Variants in EFNA5 observed in about 807,000 individuals in gnomAD.
EFNA5 encodes ephrin-A5.
A neutral mutation model predicts 22.9 loss-of-function variants in EFNA5; 5 were observed. The ratio of observed to expected loss-of-function variants is 0.22; its 90% confidence interval spans 0.11 to 0.46. EFNA5 has a LOEUF of 0.46. EFNA5 is among the 20% of genes least tolerant of loss of function. The probability of loss-of-function intolerance (pLI) is 0.99; values close to 1 mark genes in which losing one functional copy is unlikely to be tolerated. For synonymous variants in EFNA5, 113 were observed against 112.2 expected (o/e 1.01, Z -0.04); for missense variants, 237 against 293.3 (o/e 0.81, Z 1.40).
In EFNA5 at chr5:107,601,755, A is replaced by G. The variant is rs143168301; in HGVS notation, c.125+68734T>C. ...CTCATGTTTTTTCCTTTTCCTTTTG[A>G]TCGTTACCTTTACAGAAACACACAA... On this transcript the variant is annotated intron_variant, in intron 1 of 4. Coordinates refer to ENST00000333274, the MANE Select transcript of EFNA5 (RefSeq NM_001962.3). Among the ~76,000 whole-genome samples the G allele has an allele frequency of 3.0e-3, 464 of 152,280 alleles. 2 individuals carry two copies. The highest frequency in any genetic ancestry group is 0.01 in the African/African-American group (433 of 41,564).
intron 1 of EFNA5, among the ~76,000 whole-genome samples, chr5:107,575,843 A>G (rs1748917528): frequency 6.6e-6 from 1 of 152,230 alleles, no homozygotes; most frequent in South Asian, 2.1e-4. Context: ...AGCAGTTTCC[A>G]AAATCATTTA....
chr5:107,470,911 CTTT>C (rs917572407), intron 1 of EFNA5, among the ~76,000 whole-genome samples: 3 of 152,058 alleles, frequency 2.0e-5, no homozygotes, highest in Non-Finnish European at 2.9e-5. Context: ...AGTAAGATGT[CTTT>C]TTTATCTCTT....
At chr5:107,591,833 A>C (rs866956631) in intron 1 of EFNA5, among the ~76,000 whole-genome samples, 4 of 103,122 alleles carry the variant, frequency 3.9e-5, no homozygotes, top group African/African-American at 1.6e-4. Flanking sequence ...AAAAATATAT[A>C]TATATATATA....
At chr5:107,507,487 T>C (rs938721357) in intron 1 of EFNA5, among the ~76,000 whole-genome samples, 1 of 152,204 alleles carries the variant, frequency 6.6e-6, no homozygotes, top group Non-Finnish European at 1.5e-5. Context: ...TAGCAGCCTA[T>C]ATTAATTAAG....
intron 1 of EFNA5, among the ~76,000 whole-genome samples, chr5:107,635,815 T>TA (rs1750361044): frequency 6.6e-6 from 1 of 152,300 alleles, no homozygotes; most frequent in East Asian, 1.9e-4. Flanking sequence ...TCCAGGTTAG[T>TA]AAAAGCATTC....
chr5:107,435,713 AATT>A (rs1220856772), intron 1 of EFNA5, among the ~76,000 whole-genome samples: 1 of 152,238 alleles, frequency 6.6e-6, no homozygotes, highest in Non-Finnish European at 1.5e-5. Context: ...TTCAAGGATA[AATT>A]TCAAAGATTT....
At chr5:107,433,876 G>A (rs1057103712) in intron 1 of EFNA5, among the ~76,000 whole-genome samples, 3 of 150,048 alleles carry the variant, frequency 2.0e-5, no homozygotes, top group African/African-American at 7.4e-5. Context: ...ACTCCAGCCT[G>A]GGCAACAGAG....
intron 1 of EFNA5, among the ~76,000 whole-genome samples, chr5:107,644,653 G>A (rs1750593642): frequency 6.6e-6 from 1 of 152,104 alleles, no homozygotes; most frequent in South Asian, 2.1e-4. Context: ...TTTAAGAAGT[G>A]AATTTCCTCA....
intron 1 of EFNA5, among the ~76,000 whole-genome samples, chr5:107,622,747 C>T (rs1041588672): frequency 1.3e-5 from 2 of 152,072 alleles, no homozygotes; most frequent in African/African-American, 4.8e-5. Context: ...CTCGGCCGGG[C>T]GCGGTGGCTC....
chr5:107,503,452 A>G (rs1377969552), intron 1 of EFNA5, among the ~76,000 whole-genome samples: 1 of 152,218 alleles, frequency 6.6e-6, no homozygotes, highest in Non-Finnish European at 1.5e-5. Context: ...AGGTGTTCCG[A>G]TGTCTATCTC....
At chr5:107,649,885 G>T (rs1452215426) in intron 1 of EFNA5, among the ~76,000 whole-genome samples, 1 of 152,120 alleles carries the variant, frequency 6.6e-6, no homozygotes, top group African/African-American at 2.4e-5. Context: ...TGAGAAAGAT[G>T]AAACAGGGAA....
chr5:107,473,659 AT>A (rs564376165), intron 1 of EFNA5, among the ~76,000 whole-genome samples: 1,841 of 140,742 alleles, frequency 0.013, 22 homozygotes, highest in African/African-American at 0.036. Context: ...TTTCACTTGA[AT>A]TTTTTTTTTT....
At chr5:107,547,066 A>G (rs1748179964) in intron 1 of EFNA5, among the ~76,000 whole-genome samples, 1 of 152,212 alleles carries the variant, frequency 6.6e-6, no homozygotes, top group African/African-American at 2.4e-5. Context: ...CTGACAACCA[A>G]GCAACCACCA....
intron 4 of EFNA5, among the ~76,000 whole-genome samples, chr5:107,383,473 G>A (rs571561521): frequency 2.6e-5 from 4 of 152,134 alleles, no homozygotes; most frequent in Admixed American, 2.6e-4. Context: ...ACTTTCTTAA[G>A]AGCACCAATA....
At chr5:107,643,946 G>C (rs143954273) in intron 1 of EFNA5, among the ~76,000 whole-genome samples, 341 of 152,070 alleles carry the variant, frequency 2.2e-3, no homozygotes, top group Non-Finnish European at 4.2e-3. Context: ...AAATTAGAAA[G>C]ACTTTTCGGA....
intron 1 of EFNA5, among the ~76,000 whole-genome samples, chr5:107,593,144 A>G (rs1177072283): frequency 1.3e-5 from 2 of 152,208 alleles, no homozygotes; most frequent in Non-Finnish European, 2.9e-5. Context: ...GTTTTGAAAC[A>G]GCTCTGAGAG....
chr5:107,635,823 T>C (rs1246455279), intron 1 of EFNA5, among the ~76,000 whole-genome samples: 1 of 152,174 alleles, frequency 6.6e-6, no homozygotes, highest in Non-Finnish European at 1.5e-5. Context: ...AGTAAAAGCA[T>C]TCATCCTTAG....
At chr5:107,636,031 A>T (rs1470164172) in intron 1 of EFNA5, among the ~76,000 whole-genome samples, 1 of 152,222 alleles carries the variant, frequency 6.6e-6, no homozygotes, top group Non-Finnish European at 1.5e-5. Flanking sequence ...TAAATGAGTC[A>T]CTTAAGCTAC....
At chr5:107,587,981 A>T (rs1206195126) in intron 1 of EFNA5, among the ~76,000 whole-genome samples, 30 of 152,196 alleles carry the variant, frequency 2.0e-4, no homozygotes, top group Admixed American at 2.0e-3. Context: ...ACCAGGCTGC[A>T]AACCAACGTG....
Sources: allele counts gnomAD v4.1 joint callset (sites outside exome capture counted in the v4.1 genomes callset), GRCh38; gene constraint gnomAD v4.1.1; transcripts MANE v1.5; gene names NCBI Gene and HGNC (gene_info 2026-07-23, HGNC 2026-07-21).